TERF2IP: variants seen among roughly 807,000 people sequenced by gnomAD.
The protein encoded by TERF2IP is telomeric repeat-binding factor 2-interacting protein 1.
In TERF2IP, 35 loss-of-function variants were observed where a neutral mutation model predicts 33.3. That is an observed-to-expected ratio of 1.05 (90% CI 0.80 to 1.39). The LOEUF (loss-of-function observed/expected upper bound fraction) is 1.39. TERF2IP is among the 40% of genes most tolerant of loss of function. TERF2IP has a pLI of 0.00. For missense variants in TERF2IP, 583 were observed against 524.8 expected (o/e 1.11, Z -1.08); for synonymous variants, 253 against 223.2 (o/e 1.13, Z -1.19).
At chr16:75,649,635 G>A (rs903288711) in intron 1 of TERF2IP, among the ~76,000 whole-genome samples, 10 of 152,188 alleles carry the variant, frequency 6.6e-5, no homozygotes, top group African/African-American at 2.4e-4. Flanking sequence ...ATATTCCACA[G>A]ACTCCTTTTT....
intron 1 of TERF2IP, among the ~76,000 whole-genome samples, chr16:75,652,207 C>G (rs1202326518): frequency 6.6e-6 from 1 of 152,216 alleles, no homozygotes; most frequent in African/African-American, 2.4e-5. Flanking sequence ...CTATTACCGT[C>G]TCTTGTCTGT....
chr16:75,655,253 C>T, intron 2 of TERF2IP, among the ~76,000 whole-genome samples: 1 of 152,192 alleles, frequency 6.6e-6, no homozygotes, highest in Non-Finnish European at 1.5e-5. Flanking sequence ...AATGTTTTAG[C>T]TCTTCCATAT....
chr16:75,651,917 C>G (rs1459812916), intron 1 of TERF2IP, among the ~76,000 whole-genome samples: 1 of 148,428 alleles, frequency 6.7e-6, no homozygotes, highest in Non-Finnish European at 1.5e-5. Context: ...TATACTTTAT[C>G]TATAAGATTG....
At chr16:75,648,740 T>C in intron 1 of TERF2IP, 188 bp downstream of exon 1, 1 of 1,414,436 alleles carries the variant, frequency 7.1e-7, no homozygotes, top group South Asian at 1.6e-5. Flanking sequence ...ATTGTTCTTT[T>C]TTTGCGATGG....
intron 1 of TERF2IP, among the ~76,000 whole-genome samples, chr16:75,651,096 T>C (rs1336027567): frequency 3.3e-5 from 5 of 152,236 alleles, no homozygotes; most frequent in Middle Eastern, 3.4e-3. Flanking sequence ...AATATTAGCA[T>C]GGTGATAAGT....
At position 75,657,205 on chromosome 16, in the gene TERF2IP, G is replaced by A. The variant is rs1473870414; in HGVS notation, c.*594G>A. On this transcript the variant is annotated 3_prime_UTR_variant, in exon 3 of 3. Transcript: ENST00000300086. ...GCTCTTTGGCTGTTCTTTTTTTGGA[G>A]CCCTTCTCAGTCAAGTCTGCCGGAT... The A allele has an allele frequency of 6.6e-6, 1 of 152,112 alleles. No individual in the cohort carries two copies. The highest frequency in any genetic ancestry group is 1.5e-5 in the Non-Finnish European group (1 of 68,064). The allele number at this position is 152,112 out of a possible 1,614,324, so 9.4% of individuals were successfully genotyped here.
intron 1 of TERF2IP, among the ~76,000 whole-genome samples, chr16:75,649,948 A>G (rs1013952067): frequency 6.6e-6 from 1 of 152,148 alleles, no homozygotes; most frequent in Admixed American, 6.5e-5. Flanking sequence ...CCCCCTCCGT[A>G]ATCCTCCCAC....
chr16:75,654,286 G>C lies in TERF2IP; in HGVS notation c.684G>C (p.Lys228Asn). Residue 228 changes from lysine (K) to asparagine (N), a missense_variant, in exon 2 of 3, where the codon AAG (lysine) becomes AAC (asparagine). By Grantham distance (94) the Lys-to-Asn change is moderately conservative. Coordinates refer to ENST00000300086, the MANE Select transcript of TERF2IP (RefSeq NM_018975.4). ...TCTCTTTAACAGAACCACAGAATAAGAGAACTCCAGATTTGCCTGAAGAAG... is the reference window on the plus strand; with the variant it reads ...TCTCTTTAACAGAACCACAGAATAACAGAACTCCAGATTTGCCTGAAGAAG... ...EAADSGEPQN[K>N]RTPDLPEEEY... 6.2e-7 allele frequency: 1 copy of C among 1,612,782 alleles called. No individual in the cohort carries two copies. Among genetic ancestry groups the C allele is most frequent in the South Asian group, 1.1e-5 (1 of 91,022 alleles).
chr16:75,652,354 T>G (rs1448014331), intron 1 of TERF2IP, among the ~76,000 whole-genome samples: 1 of 152,258 alleles, frequency 6.6e-6, no homozygotes, highest in Non-Finnish European at 1.5e-5. Flanking sequence ...CTTTTCTAAT[T>G]GATTGCACTG....
At chr16:75,655,026 T>C (rs1192668632) in intron 2 of TERF2IP, among the ~76,000 whole-genome samples, 1 of 151,970 alleles carries the variant, frequency 6.6e-6, no homozygotes, top group African/African-American at 2.4e-5. Context: ...CCGCTTTTTG[T>C]ATTTTTTTGA....
At chr16:75,651,571 C>T (rs940986806) in intron 1 of TERF2IP, among the ~76,000 whole-genome samples, 10 of 152,234 alleles carry the variant, frequency 6.6e-5, no homozygotes, top group Middle Eastern at 3.4e-3. Flanking sequence ...CGCCTGTAAT[C>T]GCAGCTACTC....
chr16:75,651,486 G>C (rs760164196), intron 1 of TERF2IP, among the ~76,000 whole-genome samples: 1 of 152,132 alleles, frequency 6.6e-6, no homozygotes. Context: ...TCAGGAGTTC[G>C]AGACCAGCCT....
In TERF2IP at chr16:75,648,197, G is replaced by A; in HGVS notation, c.315G>A (p.Ser105=). 1 of 1,549,746 alleles carries A rather than the reference G, an allele frequency of 6.5e-7. No homozygotes were observed. The highest frequency in any genetic ancestry group is 8.7e-7 in the Non-Finnish European group (1 of 1,149,502). The change falls in exon 1 of 3, where the codon TCG becomes TCA. Residue 105 remains serine, a synonymous_variant. Coordinates refer to ENST00000300086, the MANE Select transcript of TERF2IP (RefSeq NM_018975.4). ...AGGCCTATCGGCTGGGCCCCGCCTC[G>A]GCGGCGGACACCGGCTCGGAAGCAA... ...ELEAYRLGPA[S]AADTGSEAKP...
chr16:75,656,164 G>T, intron 2 of TERF2IP, 43 bp from the exon 3 acceptor site: 1 of 1,538,720 alleles, frequency 6.5e-7, no homozygotes, highest in South Asian at 1.3e-5. Flanking sequence ...AAGAAATCAA[G>T]ACTTGGTGAT....
In TERF2IP at chr16:75,654,416, C is replaced by T. The variant is rs72561501; in HGVS notation, c.795+19C>T. On this transcript the variant is annotated intron_variant, in intron 2 of 2. Transcript: ENST00000300086. ...GGTTGTGGTATGTTAACTAGATTTA[C>T]TCATTATTTTTTTCCCTACCTTCAT... is the stretch of plus-strand genomic sequence containing the variant. 24 of 1,607,866 alleles carry T rather than the reference C, an allele frequency of 1.5e-5. No homozygotes were observed. The highest frequency in any genetic ancestry group is 2.0e-5 in the Non-Finnish European group (23 of 1,176,024).
At chr16:75,655,951 A>G (rs2082381702) in intron 2 of TERF2IP, among the ~76,000 whole-genome samples, 2 of 152,146 alleles carry the variant, frequency 1.3e-5, no homozygotes, top group African/African-American at 4.8e-5. Context: ...AATTATACAC[A>G]CATATACACA....
rs752676443 is a variant in TERF2IP at position 75,656,883 on chromosome 16, C to A, written c.*272C>A. The A allele has an allele frequency of 5.1e-6, 2 of 391,096 alleles. No individual in the cohort carries two copies. The highest frequency in any genetic ancestry group is 9.2e-6 in the Non-Finnish European group (2 of 217,918). 24.2% of individuals were successfully genotyped at this position (391,096 alleles called of 1,614,324 possible). ...TCTAAATCAGACAGGAGTTGGTCTACATAGTAGTAATCCATTGTTGGAATG... is the reference window on the plus strand; with the variant it reads ...TCTAAATCAGACAGGAGTTGGTCTAAATAGTAGTAATCCATTGTTGGAATG... On this transcript the variant is annotated 3_prime_UTR_variant, in exon 3 of 3. Coordinates refer to ENST00000300086, the MANE Select transcript of TERF2IP (RefSeq NM_018975.4).
At chr16:75,648,936 A>G (rs866505987) in intron 1 of TERF2IP, among the ~76,000 whole-genome samples, 14 of 152,088 alleles carry the variant, frequency 9.2e-5, no homozygotes, top group Non-Finnish European at 1.2e-4. Flanking sequence ...ATCACGACCT[A>G]CTGCATCCTG....
rs2082311661 is a variant in TERF2IP at position 75,647,894 on chromosome 16, G to A, written c.12G>A (p.Ala4=). 1.2e-6 allele frequency: 2 copies of A among 1,605,254 alleles called. No individual in the cohort carries two copies. Among genetic ancestry groups the A allele is most frequent in the Non-Finnish European group, 1.7e-6 (2 of 1,173,488 alleles). ...GCTCGGCGTCAGACATGGCGGAGGC[G>A]ATGGATTTGGGCAAAGACCCCAACG... MAE[A]MDLGKDPNGP... is the part of the protein sequence containing the mutation. Residue 4 remains alanine, a synonymous_variant, in exon 1 of 3, where the codon GCG becomes GCA. Coordinates refer to ENST00000300086, the MANE Select transcript of TERF2IP (RefSeq NM_018975.4).
Sources: allele counts gnomAD v4.1 joint callset (sites outside exome capture counted in the v4.1 genomes callset), GRCh38; gene constraint gnomAD v4.1.1; transcripts MANE v1.5; gene names NCBI Gene and HGNC (gene_info 2026-07-23, HGNC 2026-07-21).